The following SASH1 variants were observed in gnomAD, a reference collection of about 807,000 sequenced individuals.
SASH1 encodes the protein SAM and SH3 domain containing 1.
SASH1 carries 44 observed loss-of-function variants against 125.2 expected under a neutral mutation model. That is an observed-to-expected ratio of 0.35 (90% CI 0.28 to 0.45). SASH1 has a LOEUF of 0.45. Ranked by LOEUF, SASH1 falls within the 20% of genes least tolerant of loss-of-function variation. The pLI, the probability that SASH1 is intolerant of heterozygous loss-of-function variation, is 1.00. For synonymous variants in SASH1, 639 were observed against 649.1 expected (o/e 0.98, Z 0.24); for missense variants, 1,426 against 1,614.5 (o/e 0.88, Z 2.00).
chr6:148,244,932 ATG>A, the SASH1 span, among the ~76,000 whole-genome samples: 18,558 of 119,474 alleles, frequency 0.16, 1,569 homozygotes, highest in East Asian at 0.35. Flanking sequence ...GTGTGTGTGT[ATG>A]TGTGTGTGTG....
intron 1 of SASH1, among the ~76,000 whole-genome samples, chr6:148,306,844 A>C (rs1780141025): frequency 6.6e-6 from 1 of 152,112 alleles, no homozygotes; most frequent in South Asian, 2.1e-4. Flanking sequence ...TCCTGGCCAC[A>C]GGAATGGGAA....
intron 2 of SASH1, among the ~76,000 whole-genome samples, chr6:148,407,957 C>T (rs1035924944): frequency 1.4e-4 from 22 of 151,802 alleles, no homozygotes; most frequent in African/African-American, 4.8e-4. Context: ...GAGGAACCTC[C>T]ATACTGGCTA....
the SASH1 span, among the ~76,000 whole-genome samples, chr6:148,247,357 A>T: frequency 6.6e-6 from 1 of 152,228 alleles, no homozygotes; most frequent in African/African-American, 2.4e-5. Context: ...TTAAGGTTCG[A>T]TGAAAGATCC....
intron 1 of SASH1, chr6:148,380,056 G>GA: frequency 2.2e-6 from 1 of 448,430 alleles, no homozygotes; most frequent in South Asian, 1.6e-5. Flanking sequence ...ATAGCACCAA[G>GA]AAACAGTTGC....
chr6:148,233,044 C>A, the SASH1 span, among the ~76,000 whole-genome samples: 1 of 151,782 alleles, frequency 6.6e-6, no homozygotes, highest in Non-Finnish European at 1.5e-5. Context: ...GGAGAAACCC[C>A]GTCTCTACTA....
At chr6:148,528,134 C>T (rs1026198817) in intron 12 of SASH1, among the ~76,000 whole-genome samples, 2 of 152,070 alleles carry the variant, frequency 1.3e-5, no homozygotes, top group Non-Finnish European at 2.9e-5. Flanking sequence ...CCCTCATTTG[C>T]CTTATCTGTA....
intron 2 of SASH1, among the ~76,000 whole-genome samples, chr6:148,413,798 C>G: frequency 6.6e-6 from 1 of 152,132 alleles, no homozygotes; most frequent in East Asian, 1.9e-4. Flanking sequence ...CATTCCTTCT[C>G]CGGGCCTCTC....
At chr6:148,471,306 AG>A in intron 5 of SASH1, 110 bp from the exon 6 acceptor site, 1 of 677,938 alleles carries the variant, frequency 1.5e-6, no homozygotes, top group South Asian at 2.0e-5. Flanking sequence ...GTGAAATCAA[AG>A]TATTCCTACC....
the SASH1 span, among the ~76,000 whole-genome samples, chr6:148,222,991 G>C: frequency 1.3e-5 from 2 of 152,150 alleles, no homozygotes; most frequent in African/African-American, 2.4e-5. Context: ...CATGCGAACT[G>C]AGTCTCAGAT....
the SASH1 span, among the ~76,000 whole-genome samples, chr6:148,249,103 A>C: frequency 1.3e-5 from 2 of 152,246 alleles, no homozygotes; most frequent in African/African-American, 4.8e-5. Context: ...TGAGTGACTA[A>C]AGAAGCACGC....
chr6:148,264,573 C>A, the SASH1 span, among the ~76,000 whole-genome samples: 3 of 152,230 alleles, frequency 2.0e-5, no homozygotes, highest in Non-Finnish European at 1.5e-5. Flanking sequence ...CTATACAACC[C>A]GGCCTCTCAA....
At chr6:148,445,837 A>G (rs1776745506) in intron 4 of SASH1, among the ~76,000 whole-genome samples, 1 of 152,178 alleles carries the variant, frequency 6.6e-6, no homozygotes, top group Middle Eastern at 3.2e-3. Context: ...TTGCTGACCA[A>G]CTACCGGTTG....
chr6:148,540,824 A>G (rs557664959), intron 17 of SASH1, among the ~76,000 whole-genome samples: 4 of 152,244 alleles, frequency 2.6e-5, no homozygotes, highest in Middle Eastern at 3.4e-3. Context: ...ATAAAAACCA[A>G]CATTGGAGTG....
chr6:148,375,795 T>G (rs1426995743), intron 1 of SASH1, among the ~76,000 whole-genome samples: 4 of 152,226 alleles, frequency 2.6e-5, no homozygotes, highest in African/African-American at 9.6e-5. Flanking sequence ...GGATTTTTCC[T>G]GTATATTACA....
At chr6:148,222,558 A>G in the SASH1 span, among the ~76,000 whole-genome samples, 26 of 152,320 alleles carry the variant, frequency 1.7e-4, no homozygotes, top group Admixed American at 3.3e-4. Flanking sequence ...TCTGACTTCC[A>G]GAAAGATTTG....
rs1315544535 is a variant in SASH1 at position 148,532,312 on chromosome 6, C to T, written c.1565-485C>T. ...GGAACTCCTGGACTCAAGCGATCTG[C>T]CCACCTCGGCCTCCTAAAGTGCTGG... is the stretch of plus-strand genomic sequence containing the variant. On this transcript the variant is annotated intron_variant, in intron 13 of 19. Coordinates refer to ENST00000367467, the MANE Select transcript of SASH1 (RefSeq NM_015278.5). This position sits in a 1 kb window ranked among gnomAD's most constrained non-coding sequence, Gnocchi z 4.7. Among the ~76,000 whole-genome samples the T allele has an allele frequency of 1.3e-5, 2 of 152,194 alleles. No individual in the cohort carries two copies. The highest frequency in any genetic ancestry group is 4.8e-5 in the African/African-American group (2 of 41,444).
chr6:148,209,612 G>A, the SASH1 span, among the ~76,000 whole-genome samples: 7 of 152,138 alleles, frequency 4.6e-5, no homozygotes, highest in Admixed American at 4.6e-4. Flanking sequence ...GTTGTCAGCT[G>A]TACCAAGCAT....
At chr6:148,216,170 A>G in the SASH1 span, among the ~76,000 whole-genome samples, 22 of 152,208 alleles carry the variant, frequency 1.4e-4, no homozygotes, top group African/African-American at 4.8e-4. Context: ...TGGCAGAACT[A>G]TACCAGCAAT....
the SASH1 span, among the ~76,000 whole-genome samples, chr6:148,262,477 A>T: frequency 6.6e-6 from 1 of 152,154 alleles, no homozygotes; most frequent in East Asian, 1.9e-4. Flanking sequence ...TTGGCTTGAC[A>T]GTGTCAAGCC....
Sources: gnomAD v4.1 joint callset for allele counts (sites outside exome capture counted in the v4.1 genomes callset) on GRCh38, gnomAD v4.1.1 for gene constraint, Gnocchi (gnomAD v3.1) non-coding constraint, MANE v1.5 for transcripts, NCBI Gene and HGNC (gene_info 2026-07-23, HGNC 2026-07-21) for gene names.